The following VPS13D variants were observed in gnomAD, a reference collection of about 807,000 sequenced individuals.
VPS13D encodes the protein vacuolar protein sorting 13 homolog D, also known as intermembrane lipid transfer protein VPS13D.
VPS13D carries 187 observed loss-of-function variants against 461.9 expected under a neutral mutation model. The ratio of observed to expected loss-of-function variants is 0.40; its 90% CI spans 0.36 to 0.46. The LOEUF (loss-of-function observed/expected upper bound fraction) is 0.46, where lower values mean the gene tolerates loss of function less well. VPS13D is among the 20% of genes least tolerant of loss of function. The pLI is 0.60. For missense variants in VPS13D, 4,711 were observed against 5,364.9 expected (o/e 0.88, Z 3.81); for synonymous variants, 1,951 against 1,986.3 (o/e 0.98, Z 0.47).
intron 67 of VPS13D, among the ~76,000 whole-genome samples, chr1:12,462,133 A>G (rs1003272946): frequency 6.6e-6 from 1 of 152,206 alleles, no homozygotes; most frequent in African/African-American, 2.4e-5. Context: ...AGAGCTTATA[A>G]TCAAGCAGGG....
intron 65 of VPS13D, among the ~76,000 whole-genome samples, chr1:12,422,272 A>G (rs536772623): frequency 7.2e-5 from 11 of 152,302 alleles, no homozygotes; most frequent in African/African-American, 2.4e-4. Context: ...AATTATTTTC[A>G]TAGTGGTTAT....
chr1:12,390,090 G>T (rs957926089), intron 60 of VPS13D, among the ~76,000 whole-genome samples: 2 of 152,172 alleles, frequency 1.3e-5, no homozygotes, highest in African/African-American at 4.8e-5. Flanking sequence ...TCTCCTGGTG[G>T]CAGTGTTCCT....
chr1:12,323,425 C>T (rs1184012923), intron 34 of VPS13D, among the ~76,000 whole-genome samples: 2 of 151,926 alleles, frequency 1.3e-5, no homozygotes, highest in Non-Finnish European at 2.9e-5. Context: ...ATGTAGGGGC[C>T]AGATGGTGGA....
intron 57 of VPS13D, among the ~76,000 whole-genome samples, chr1:12,380,519 C>T (rs1644259449): frequency 6.6e-6 from 1 of 152,216 alleles, no homozygotes; most frequent in Non-Finnish European, 1.5e-5. Flanking sequence ...ACTTTCTAAG[C>T]AAATATGTGT....
intron 65 of VPS13D, among the ~76,000 whole-genome samples, chr1:12,453,441 C>T (rs757614088): frequency 5.3e-5 from 8 of 152,028 alleles, no homozygotes; most frequent in Non-Finnish European, 8.8e-5. Flanking sequence ...GAATTGGCTG[C>T]GGTGCTCCTG....
Position 12,386,139 on chromosome 1 carries a change from G to A in VPS13D, c.11485-46G>A, listed in dbSNP as rs1231490914. 3 of 1,575,408 alleles carry A rather than the reference G, an allele frequency of 1.9e-6. No homozygotes were observed. In the Admixed American group the frequency reaches 5.6e-5, roughly 29 times the overall value. On this transcript the variant is annotated intron_variant, in intron 59 of 69. Coordinates refer to ENST00000620676, the MANE Select transcript of VPS13D (RefSeq NM_015378.4). The stretch of plus-strand genomic sequence containing the variant: ...TCTTATACTCTCCTGGATACTGTGA[G>A]CTGTGTTTAAAACAATCAGGGTGCC...
At chr1:12,327,513 A>G in intron 35 of VPS13D, 135 bp from the exon 36 acceptor site, 1 of 318,918 alleles carries the variant, frequency 3.1e-6, no homozygotes, top group Non-Finnish European at 5.5e-6. Context: ...ATTAAGTCCA[A>G]GAATACTTCT....
chr1:12,499,751 G>A lies in VPS13D; in HGVS notation c.12794+2120G>A, dbSNP rs1260130718. Reference sequence around the variant, plus strand: ...GCACGTGACCACGGCCTTCCCAAGTGTACAAGGAAGAAGCCATCAGGGAGT... The same window carrying A: ...GCACGTGACCACGGCCTTCCCAAGTATACAAGGAAGAAGCCATCAGGGAGT... On this transcript the variant is annotated intron_variant, in intron 68 of 69. Transcript: ENST00000620676. 3.0e-6 allele frequency: 3 copies of A among 985,290 alleles called. No individual in the cohort carries two copies. The African/African-American group carries it at 5.2e-5, about 17-fold the overall frequency. The allele number at this position is 985,290 out of a possible 1,614,324, so 61.0% of individuals were successfully genotyped here.
rs184313816 is a variant in VPS13D, at chr1:12,282,343, C to A, written c.4603-362C>A. On this transcript the variant is annotated intron_variant, in intron 20 of 69. Transcript: ENST00000620676. Reference sequence around the variant, plus strand: ...TGGTGATGATCAGCCAGTTTTAGAACCATGAACCTTGTTTCTCAATCCTGT... The same window carrying A: ...TGGTGATGATCAGCCAGTTTTAGAAACATGAACCTTGTTTCTCAATCCTGT... Among the ~76,000 whole-genome samples the A allele has an allele frequency of 1.2e-3, 187 of 152,318 alleles. 1 individual carries two copies. Among genetic ancestry groups the A allele is most frequent in the African/African-American group, 4.4e-3 (183 of 41,554 alleles).
intron 46 of VPS13D, among the ~76,000 whole-genome samples, chr1:12,350,339 C>T (rs570728024): frequency 6.6e-6 from 1 of 152,074 alleles, no homozygotes; most frequent in South Asian, 2.1e-4. Context: ...TTCCTGATCA[C>T]AATAGAAGTA....
chr1:12,364,245 A>G (rs570596837), intron 52 of VPS13D, among the ~76,000 whole-genome samples: 2 of 152,274 alleles, frequency 1.3e-5, no homozygotes, highest in Non-Finnish European at 2.9e-5. Flanking sequence ...GTCCCTGGCC[A>G]CCATGTTCTA....
intron 65 of VPS13D, among the ~76,000 whole-genome samples, chr1:12,426,927 T>C (rs1247894690): frequency 6.6e-6 from 1 of 152,084 alleles, no homozygotes; most frequent in African/African-American, 2.4e-5. Flanking sequence ...GGCAGGAGAA[T>C]TGCTTGAACC....
intron 50 of VPS13D, among the ~76,000 whole-genome samples, chr1:12,361,688 C>T (rs1643953114): frequency 6.6e-6 from 1 of 152,060 alleles, no homozygotes; most frequent in African/African-American, 2.4e-5. Flanking sequence ...AGCCACCACG[C>T]CCGGCCTGAA....
At chr1:12,353,009 G>A (rs1021375675) in intron 46 of VPS13D, among the ~76,000 whole-genome samples, 2 of 134,364 alleles carry the variant, frequency 1.5e-5, no homozygotes, top group African/African-American at 5.7e-5. Flanking sequence ...ACCCAGCAAG[G>A]CCACTCTGGG....
In VPS13D at chr1:12,257,074, G is replaced by C. The variant is rs764563890; in HGVS notation, c.928G>C (p.Ala310Pro). ...GTTCCGAAGGTGGAAACCCAAGGTG[G>C]CGATATCTAAGAAGTAAGGGCTTCT... ...VKFRRWKPKVAISKNCREWWY... is the reference protein window; with the variant it reads ...VKFRRWKPKVPISKNCREWWY... The change falls in exon 9 of 70, where the codon GCG (alanine) becomes CCG (proline). Residue 310 changes from alanine to proline, a missense_variant. Ala to Pro is a conservative substitution (Grantham distance 27). This residue lies in a region of VPS13D where 4,411 missense variants were observed against 4,937.8 expected (regional missense o/e 0.89). Transcript: ENST00000620676. 2 of 1,613,996 alleles carry C rather than the reference G, an allele frequency of 1.2e-6. No homozygotes were observed. Among genetic ancestry groups the C allele is most frequent in the African/African-American group, 2.7e-5 (2 of 74,912 alleles).
intron 13 of VPS13D, 27 bp downstream of exon 13, chr1:12,262,107 C>T: frequency 1.3e-6 from 2 of 1,588,580 alleles, no homozygotes; most frequent in South Asian, 1.1e-5. Flanking sequence ...AAACTACCTG[C>T]CACTGTTGTC....
chr1:12,311,937 A>G lies in VPS13D; in HGVS notation c.6935+12A>G, dbSNP rs373159790. 4.8e-4 allele frequency: 765 copies of G among 1,588,790 alleles called. 1 individual carries two copies. Among genetic ancestry groups the G allele is most frequent in the Non-Finnish European group, 6.1e-4 (701 of 1,158,276 alleles). On this transcript the variant is annotated intron_variant, in intron 29 of 69. Transcript: ENST00000620676. ...GGGTCCCTAGCCAGGTATGCCTTTGATTATATTATTATACTGTTAGTAACA... is the reference window on the plus strand; with the variant it reads ...GGGTCCCTAGCCAGGTATGCCTTTGGTTATATTATTATACTGTTAGTAACA...
At chr1:12,503,790 A>G (rs1405196254) in intron 68 of VPS13D, among the ~76,000 whole-genome samples, 1 of 152,208 alleles carries the variant, frequency 6.6e-6, no homozygotes, top group Non-Finnish European at 1.5e-5. Flanking sequence ...TTCGTGGACC[A>G]AAAGCAGGCC....
At position 12,256,201 on chromosome 1, in the gene VPS13D, CA is replaced by C. The variant is rs999416051; in HGVS notation, c.670-127del. On this transcript the variant is annotated intron_variant, in intron 7 of 69. Transcript: ENST00000620676. ...TAAAAATGAATAAAAACAAAACAGA[CA>C]AAAATATTTGCCGCTGTGACACAGC... 4 of 1,028,278 alleles carry C rather than the reference CA, an allele frequency of 3.9e-6. No individual in the cohort carries two copies. In the Admixed American group the frequency reaches 7.4e-5, roughly 19 times the overall value. 63.7% of individuals were successfully genotyped at this position (1,028,278 alleles called of 1,614,324 possible).
Sources: allele counts gnomAD v4.1 joint callset (sites outside exome capture counted in the v4.1 genomes callset), GRCh38; gene constraint gnomAD v4.1.1; regional missense constraint gnomAD v4.1.1; transcripts MANE v1.5; gene names NCBI Gene and HGNC (gene_info 2026-07-23, HGNC 2026-07-21).